The following GRHL2 variants were observed in gnomAD, a reference collection of about 807,000 sequenced individuals.
The protein encoded by GRHL2 is grainyhead-like protein 2 homolog.
In GRHL2, 21 loss-of-function variants were observed where a neutral mutation model predicts 83.8. That is an observed-to-expected ratio of 0.25 (90% CI 0.18 to 0.36). The LOEUF (loss-of-function observed/expected upper bound fraction) is 0.36, where lower values mean the gene tolerates loss of function less well. GRHL2 is among the 10% of genes least tolerant of loss of function. GRHL2 has a pLI of 1.00. For missense variants in GRHL2, 623 were observed against 781.8 expected (o/e 0.80, Z 2.42); for synonymous variants, 280 against 278.9 (o/e 1.00, Z -0.04).
intron 7 of GRHL2, among the ~76,000 whole-genome samples, chr8:101,598,351 T>C (rs1366936659): frequency 1.3e-5 from 2 of 151,408 alleles, no homozygotes; most frequent in African/African-American, 2.4e-5. Context: ...GGGATTCTCA[T>C]GCCTCAGCCA....
At chr8:101,624,496 CAG>C (rs1813039157) in intron 9 of GRHL2, among the ~76,000 whole-genome samples, 1 of 145,646 alleles carries the variant, frequency 6.9e-6, no homozygotes, top group Admixed American at 6.9e-5. Context: ...TAGGACAGTT[CAG>C]AGTACACAGT....
rs581752 is a variant in GRHL2 at position 101,493,477 on chromosome 8, A to G, written c.20+688A>G. 0.81 allele frequency among the ~76,000 whole-genome samples: 121,880 copies of G among 150,206 alleles called. 50,673 individuals carry two copies. Among genetic ancestry groups the G allele is most frequent in the Non-Finnish European group, 0.93 (62,815 of 67,804 alleles). ...GGGTCCGCCCCCGCATTGTTTGGCC[A>G]CCTTCCTCAGGTGCCCGGGGGGAAA... On this transcript the variant is annotated intron_variant, in intron 1 of 15. Transcript: ENST00000646743.
chr8:101,579,366 T>C (rs1001928826), intron 7 of GRHL2, among the ~76,000 whole-genome samples: 3 of 152,208 alleles, frequency 2.0e-5, no homozygotes, highest in African/African-American at 7.2e-5. Context: ...ATTTCTCAGA[T>C]CTTGTAAAAC....
At chr8:101,654,104 A>C (rs976489648) in intron 14 of GRHL2, among the ~76,000 whole-genome samples, 1 of 152,196 alleles carries the variant, frequency 6.6e-6, no homozygotes, top group African/African-American at 2.4e-5. Context: ...CTAGGCTACC[A>C]CCTTCATCAA....
intron 7 of GRHL2, among the ~76,000 whole-genome samples, chr8:101,580,379 CT>C (rs1812024866): frequency 6.6e-6 from 1 of 152,146 alleles, no homozygotes; most frequent in Non-Finnish European, 1.5e-5. Flanking sequence ...TCACTCAGCT[CT>C]GCTATTGAAT....
At chr8:101,561,527 G>A (rs1291765654) in intron 4 of GRHL2, among the ~76,000 whole-genome samples, 2 of 152,162 alleles carry the variant, frequency 1.3e-5, no homozygotes, top group Non-Finnish European at 2.9e-5. Context: ...CTTCTAAGAT[G>A]CAAATAAACC....
At chr8:101,589,312 C>T (rs1812228443) in intron 7 of GRHL2, among the ~76,000 whole-genome samples, 1 of 152,214 alleles carries the variant, frequency 6.6e-6, no homozygotes, top group South Asian at 2.1e-4. Context: ...CCCTGAGCCA[C>T]ATGGACTAAT....
At chr8:101,499,933 A>G (rs1810188848) in intron 1 of GRHL2, among the ~76,000 whole-genome samples, 2 of 152,092 alleles carry the variant, frequency 1.3e-5, no homozygotes, top group Admixed American at 1.3e-4. Flanking sequence ...AAAATTAGCC[A>G]GGCATGGTGG....
In GRHL2 at chr8:101,667,872, C is replaced by T. The variant is rs1206944386; in HGVS notation, c.*1169C>T. On this transcript the variant is annotated 3_prime_UTR_variant, in exon 16 of 16. Coordinates refer to ENST00000646743, the MANE Select transcript of GRHL2 (RefSeq NM_024915.4). ...GTGCCTCCCAGTTTACAAACACGCCCTTCATCTCAAGTGGCCCTTTAAAAG... is the reference window on the plus strand; with the variant it reads ...GTGCCTCCCAGTTTACAAACACGCCTTTCATCTCAAGTGGCCCTTTAAAAG... 1 of 152,796 alleles carries T rather than the reference C, an allele frequency of 6.5e-6. No individual in the cohort carries two copies. Among genetic ancestry groups the T allele is most frequent in the African/African-American group, 2.4e-5 (1 of 41,466 alleles). The allele number at this position is 152,796 out of a possible 1,614,324, so 9.5% of individuals were successfully genotyped here. A position where few individuals can be genotyped will look rare whatever the true frequency, so the allele number is the denominator to read the frequency against.
intron 1 of GRHL2, among the ~76,000 whole-genome samples, chr8:101,515,095 GGGAT>G (rs1810544422): frequency 2.1e-5 from 3 of 144,528 alleles, no homozygotes; most frequent in Admixed American, 2.1e-4. Flanking sequence ...CCTCCTTATA[GGGAT>G]CACTGCAATG....
chr8:101,577,316 C>A, intron 6 of GRHL2, 92 bp from the exon 7 acceptor site: 1 of 810,972 alleles, frequency 1.2e-6, no homozygotes, highest in Non-Finnish European at 2.1e-6. Flanking sequence ...CAACATGACA[C>A]AAACACACCT....
chr8:101,663,954 C>T, intron 14 of GRHL2, among the ~76,000 whole-genome samples: 1 of 151,192 alleles, frequency 6.6e-6, no homozygotes. Flanking sequence ...TTTTTATTAA[C>T]CTTTCGACCT....
chr8:101,558,205 A>G (rs769825361), intron 3 of GRHL2, among the ~76,000 whole-genome samples: 39 of 152,080 alleles, frequency 2.6e-4, no homozygotes, highest in Admixed American at 6.6e-5. Context: ...TGAGTGCTTC[A>G]GGTTGCATGA....
At chr8:101,558,329 T>C (rs1392020012) in intron 3 of GRHL2, 90 bp from the exon 4 acceptor site, 1 of 1,458,254 alleles carries the variant, frequency 6.9e-7, no homozygotes, top group Non-Finnish European at 9.6e-7. Context: ...TAACATCCAA[T>C]GATTATTGCC....
chr8:101,616,176 C>T (rs553634591), intron 8 of GRHL2, among the ~76,000 whole-genome samples: 11 of 149,112 alleles, frequency 7.4e-5, no homozygotes, highest in Admixed American at 2.0e-4. Context: ...TTCTCTCTCT[C>T]TCTCTTTCTT....
rs114281609 is a variant in GRHL2 at position 101,508,647 on chromosome 8, A to G, written c.20+15858A>G. Among the ~76,000 whole-genome samples the G allele has an allele frequency of 3.9e-3, 588 of 152,302 alleles. 1 individual carries two copies. The highest frequency in any genetic ancestry group is 0.013 in the African/African-American group (558 of 41,544). On this transcript the variant is annotated intron_variant, in intron 1 of 15. Coordinates refer to ENST00000646743, the MANE Select transcript of GRHL2 (RefSeq NM_024915.4). The stretch of plus-strand genomic sequence containing the variant: ...AAAGCAGTGACTCAGATCAGCATTT[A>G]AAGTCCCCTGATCAATGACCACAAA...
At chr8:101,653,536 G>A (rs1373314935) in intron 14 of GRHL2, among the ~76,000 whole-genome samples, 2 of 152,098 alleles carry the variant, frequency 1.3e-5, no homozygotes, top group African/African-American at 4.8e-5. Flanking sequence ...GATCACTTGA[G>A]GTCAGGAGCT....
intron 14 of GRHL2, among the ~76,000 whole-genome samples, chr8:101,654,575 CAAAG>C (rs1042329427): frequency 6.6e-6 from 1 of 152,128 alleles, no homozygotes; most frequent in African/African-American, 2.4e-5. Context: ...AAAAAACGAA[CAAAG>C]AGTTTTCTTT....
intron 8 of GRHL2, among the ~76,000 whole-genome samples, chr8:101,600,794 C>T (rs1186593725): frequency 6.6e-6 from 1 of 152,032 alleles, no homozygotes; most frequent in Non-Finnish European, 1.5e-5. Context: ...AACAGTGTGA[C>T]CAGGGAGAGG....
Sources: allele counts gnomAD v4.1 joint callset (sites outside exome capture counted in the v4.1 genomes callset), GRCh38; gene constraint gnomAD v4.1.1; transcripts MANE v1.5; gene names NCBI Gene and HGNC (gene_info 2026-07-23, HGNC 2026-07-21).